The following PDHX variants were observed in gnomAD, a reference collection of about 807,000 sequenced individuals.
PDHX encodes pyruvate dehydrogenase complex component X, also known as pyruvate dehydrogenase protein X component, mitochondrial.
PDHX carries 33 observed loss-of-function variants against 55.3 expected under a neutral mutation model. That is an observed-to-expected ratio of 0.60 (90% CI 0.45 to 0.80). The LOEUF is 0.80. Ranked by LOEUF, PDHX falls within the 30% of genes least tolerant of loss-of-function variation. PDHX has a pLI of 0.00. For synonymous variants in PDHX, 226 were observed against 219.4 expected, an observed-to-expected ratio of 1.03 and a Z score of -0.27; for missense variants, 622 against 619.9, an observed-to-expected ratio of 1.00 and a Z score of -0.04.
rs1279606482 is a variant in PDHX, at chr11:34,947,562, G to GTTA, written c.299_301dup (p.Val100_Thr101insIle). ...TGAAATTGAGACTGACAAAGCTGTGGTTACCTTAGATGCAAGTGATGATGG... is the reference window on the plus strand; with the variant it reads ...TGAAATTGAGACTGACAAAGCTGTGGTTATTACCTTAGATGCAAGTGATGATGG... On this transcript the variant is annotated inframe_insertion, in exon 3 of 11. Transcript: ENST00000227868. The GTTA allele has an allele frequency of 1.2e-5, 19 of 1,613,474 alleles. No homozygotes were observed. The highest frequency in any genetic ancestry group is 1.6e-5 in the Non-Finnish European group (19 of 1,179,610).
intron 2 of PDHX, among the ~76,000 whole-genome samples, chr11:34,938,775 GACA>G (rs1854397828): frequency 1.3e-5 from 2 of 152,302 alleles, no homozygotes; most frequent in Admixed American, 1.3e-4. Flanking sequence ...AGAGCCAGCA[GACA>G]TATGGTCTCA....
chr11:34,946,716 G>A (rs1854629409), intron 2 of PDHX, among the ~76,000 whole-genome samples: 1 of 152,172 alleles, frequency 6.6e-6, no homozygotes, highest in Non-Finnish European at 1.5e-5. Flanking sequence ...CAGTCAACAG[G>A]TTTTGATTGT....
chr11:34,922,834 C>T (rs945587705), intron 1 of PDHX, among the ~76,000 whole-genome samples: 6 of 149,960 alleles, frequency 4.0e-5, no homozygotes, highest in Non-Finnish European at 5.9e-5. Flanking sequence ...TTGCCTTTTA[C>T]GACAAAATGT....
At chr11:34,939,151 T>A (rs973415735) in intron 2 of PDHX, among the ~76,000 whole-genome samples, 1 of 151,912 alleles carries the variant, frequency 6.6e-6, no homozygotes, top group Non-Finnish European at 1.5e-5. Context: ...ATTCATTTTA[T>A]ATTAAAAACA....
intron 7 of PDHX, among the ~76,000 whole-genome samples, chr11:34,973,820 A>G (rs1855305041): frequency 6.6e-6 from 1 of 152,160 alleles, no homozygotes; most frequent in Admixed American, 6.5e-5. Context: ...GAGGGAAAAA[A>G]TGTCTTTTAT....
chr11:34,920,923 C>G (rs1590725275), intron 1 of PDHX, among the ~76,000 whole-genome samples: 1 of 152,166 alleles, frequency 6.6e-6, no homozygotes, highest in African/African-American at 2.4e-5. Context: ...TCTTCTCTCA[C>G]CTGCCTGTTT....
At chr11:34,983,924 T>C (rs973430286) in intron 8 of PDHX, among the ~76,000 whole-genome samples, 10 of 152,158 alleles carry the variant, frequency 6.6e-5, no homozygotes, top group African/African-American at 1.9e-4. Context: ...GAAAAAACTA[T>C]TTTAAAGTTC....
intron 3 of PDHX, among the ~76,000 whole-genome samples, chr11:34,956,792 A>C (rs1280678891): frequency 6.6e-6 from 1 of 152,172 alleles, no homozygotes; most frequent in Non-Finnish European, 1.5e-5. Flanking sequence ...GGTTTTGTAA[A>C]TAGATATACA....
intron 5 of PDHX, among the ~76,000 whole-genome samples, chr11:34,965,150 G>C (rs963874596): frequency 6.6e-6 from 1 of 152,182 alleles, no homozygotes; most frequent in Non-Finnish European, 1.5e-5. Context: ...GGTCTCACAA[G>C]GCTGAAATCA....
rs553382512 is a variant in PDHX at position 34,924,253 on chromosome 11, A to G, written c.161-7151A>G. 4.2e-4 allele frequency among the ~76,000 whole-genome samples: 64 copies of G among 151,808 alleles called. 1 individual carries two copies. In the South Asian group the frequency reaches 0.012, roughly 28 times the overall value. On this transcript the variant is annotated intron_variant, in intron 1 of 10. Transcript: ENST00000227868. ...TGTGTTACCTTCTTTCTTTCTTTCT[A>G]TTTTTTTAGATGGAGCCTTACTCTG...
At chr11:34,947,417 GTATT>G (rs1854646924) in intron 2 of PDHX, 85 bp from the exon 3 acceptor site, 1 of 851,482 alleles carries the variant, frequency 1.2e-6, no homozygotes, top group African/African-American at 1.7e-5. Context: ...GAATATTTTG[GTATT>G]TATTTATGTT....
intron 1 of PDHX, among the ~76,000 whole-genome samples, chr11:34,924,725 A>G (rs1237694333): frequency 1.3e-5 from 2 of 152,158 alleles, no homozygotes; most frequent in African/African-American, 2.4e-5. Context: ...AAAATATTTC[A>G]TTTAGCACAA....
rs74799658 is a variant in PDHX, at chr11:34,947,019, T to A, written c.242-487T>A. On this transcript the variant is annotated intron_variant, in intron 2 of 10. Coordinates refer to ENST00000227868, the MANE Select transcript of PDHX (RefSeq NM_003477.3). ...CAGTTGTGTCTTTGATTTTCTCTTT[T>A]TATGCTTTATATGCTTTATTCATTT... 8.0e-3 allele frequency among the ~76,000 whole-genome samples: 1,215 copies of A among 151,926 alleles called. 13 individuals carry two copies. The highest frequency in any genetic ancestry group is 0.028 in the African/African-American group (1,159 of 41,212).
At chr11:34,928,426 C>G (rs1262933763) in intron 1 of PDHX, among the ~76,000 whole-genome samples, 1 of 146,208 alleles carries the variant, frequency 6.8e-6, no homozygotes, top group Non-Finnish European at 1.5e-5. Context: ...TACCGTGGTG[C>G]TATTTAAAAG....
At chr11:34,939,996 G>A (rs967617571) in intron 2 of PDHX, among the ~76,000 whole-genome samples, 1 of 151,996 alleles carries the variant, frequency 6.6e-6, no homozygotes, top group Non-Finnish European at 1.5e-5. Context: ...AGTTTAAACT[G>A]CACCTAGTTT....
intron 7 of PDHX, chr11:34,977,752 G>A (rs779426679): frequency 1.3e-5 from 6 of 458,198 alleles, no homozygotes; most frequent in Non-Finnish European, 2.6e-5. Flanking sequence ...GAATCATCTT[G>A]TAAACTTCCT....
intron 9 of PDHX, 121 bp downstream of exon 9, chr11:34,984,849 G>A: frequency 1.1e-6 from 1 of 921,464 alleles, no homozygotes; most frequent in East Asian, 2.4e-5. Context: ...GAAGGGGAGA[G>A]TTATTTCATC....
At chr11:34,937,200 C>T (rs922886323) in intron 2 of PDHX, among the ~76,000 whole-genome samples, 1 of 152,210 alleles carries the variant, frequency 6.6e-6, no homozygotes, top group Non-Finnish European at 1.5e-5. Flanking sequence ...AAGTAGCCTC[C>T]TTTTCCTGCT....
chr11:34,985,540 T>C (rs1335940319), intron 9 of PDHX, among the ~76,000 whole-genome samples: 1 of 152,192 alleles, frequency 6.6e-6, no homozygotes, highest in Non-Finnish European at 1.5e-5. Context: ...GGAATCTTAT[T>C]TCACCAAAAA....
Sources: allele counts gnomAD v4.1 joint callset (sites outside exome capture counted in the v4.1 genomes callset), GRCh38; gene constraint gnomAD v4.1.1; transcripts MANE v1.5; gene names NCBI Gene and HGNC (gene_info 2026-07-23, HGNC 2026-07-21).